Variants in PREX1 observed in about 807,000 individuals in gnomAD.
The protein encoded by PREX1 is phosphatidylinositol 3,4,5-trisphosphate-dependent Rac exchanger 1 protein.
In PREX1, 41 loss-of-function variants were observed where a neutral mutation model predicts 198.3. That is an observed-to-expected ratio of 0.21 (90% CI 0.16 to 0.27). The LOEUF is 0.27. PREX1 is among the 10% of genes least tolerant of loss of function. The pLI is 1.00. For synonymous variants in PREX1, 843 were observed against 887.2 expected (o/e 0.95, Z 0.89); for missense variants, 1,620 against 2,200.7 (o/e 0.74, Z 5.28).
chr20:48,653,009 G>A (rs187350725), intron 20 of PREX1, among the ~76,000 whole-genome samples: 1 of 152,276 alleles, frequency 6.6e-6, no homozygotes, highest in African/African-American at 2.4e-5. Context: ...ATCAATGAGG[G>A]AATCTCGCCC....
At chr20:48,657,698 A>C (rs1022502779) in intron 17 of PREX1, among the ~76,000 whole-genome samples, 1 of 151,884 alleles carries the variant, frequency 6.6e-6, no homozygotes, top group East Asian at 1.9e-4. Context: ...CATCTCCCCC[A>C]CCCACCTGCA....
the PREX1 span, among the ~76,000 whole-genome samples, chr20:48,853,207 C>T: frequency 1.3e-5 from 2 of 152,308 alleles, no homozygotes; most frequent in East Asian, 3.9e-4. Context: ...TTCTAATGCT[C>T]AGACATGAAT....
At chr20:48,820,049 C>A (rs1192267594) in intron 1 of PREX1, among the ~76,000 whole-genome samples, 1 of 152,200 alleles carries the variant, frequency 6.6e-6, no homozygotes, top group African/African-American at 2.4e-5. Flanking sequence ...AATAGTCTCG[C>A]CTCCCCTGGC....
intron 6 of PREX1, among the ~76,000 whole-genome samples, chr20:48,701,269 T>C (rs1236666587): frequency 2.6e-5 from 4 of 152,162 alleles, no homozygotes; most frequent in Admixed American, 1.3e-4. Flanking sequence ...TGGAGTGCAA[T>C]GGCGCGATCT....
chr20:48,742,808 G>T (rs1040370966), intron 3 of PREX1, among the ~76,000 whole-genome samples: 8 of 152,252 alleles, frequency 5.3e-5, no homozygotes, highest in Admixed American at 2.0e-4. Context: ...GCCCCGCTGT[G>T]TCCTCAGGGT....
the PREX1 span, among the ~76,000 whole-genome samples, chr20:48,883,656 A>G: frequency 6.6e-6 from 1 of 152,142 alleles, no homozygotes; most frequent in South Asian, 2.1e-4. Context: ...ATCAAAAAGG[A>G]TAAAATACTT....
intron 1 of PREX1, among the ~76,000 whole-genome samples, chr20:48,794,923 T>C (rs746123369): frequency 6.6e-6 from 1 of 152,220 alleles, no homozygotes; most frequent in Non-Finnish European, 1.5e-5. Context: ...GACTAGCCTA[T>C]GAGTTGATTA....
intron 1 of PREX1, among the ~76,000 whole-genome samples, chr20:48,775,155 A>T (rs2426099): frequency 0.41 from 62,896 of 152,040 alleles, 13,294 homozygotes; most frequent in Admixed American, 0.46. Context: ...TAGCACGTCC[A>T]GAAGGACAGG....
chr20:48,662,530 G>A (rs1255704978), intron 15 of PREX1, among the ~76,000 whole-genome samples: 6 of 152,212 alleles, frequency 3.9e-5, no homozygotes, highest in African/African-American at 1.2e-4. Flanking sequence ...ACATGCTGGG[G>A]TGGCTGTGGG....
intron 1 of PREX1, among the ~76,000 whole-genome samples, chr20:48,807,909 G>A (rs1171074420): frequency 1.3e-5 from 2 of 152,056 alleles, no homozygotes; most frequent in East Asian, 3.9e-4. Flanking sequence ...GGGGGAGCAG[G>A]CTGTCCACTC....
chr20:48,823,438 C>G (rs1406614915), intron 1 of PREX1, among the ~76,000 whole-genome samples: 7 of 152,204 alleles, frequency 4.6e-5, no homozygotes, highest in African/African-American at 1.7e-4. Flanking sequence ...GCAGGTGCTA[C>G]ACTGTGCCCG....
rs41283550 is a variant in PREX1 at position 48,642,336 on chromosome 20, G to C, written c.3684+71C>G. On this transcript the variant is annotated intron_variant, in intron 28 of 39. Transcript: ENST00000371941. ...CAGACATCTGGGACCCACAGCCCCCGGGTCATGGGCCCTCCCCAGGTGTGA... is the reference window on the plus strand; with the variant it reads ...CAGACATCTGGGACCCACAGCCCCCCGGTCATGGGCCCTCCCCAGGTGTGA... 628 of 1,604,012 alleles carry C rather than the reference G, an allele frequency of 3.9e-4. 3 individuals carry two copies. In the African/African-American group the frequency reaches 7.7e-3, roughly 20 times the overall value.
At chr20:48,732,512 C>T (rs1385530605) in intron 4 of PREX1, among the ~76,000 whole-genome samples, 1 of 152,076 alleles carries the variant, frequency 6.6e-6, no homozygotes, top group Non-Finnish European at 1.5e-5. Context: ...GGTGGAGAGA[C>T]GTCTGTGACC....
intron 5 of PREX1, among the ~76,000 whole-genome samples, chr20:48,712,158 T>C (rs1319177336): frequency 6.6e-6 from 1 of 152,238 alleles, no homozygotes; most frequent in African/African-American, 2.4e-5. Context: ...GCTGGCTCTG[T>C]TAAGCTTGGC....
At chr20:48,828,205 C>A (rs2090520723), upstream of PREX1, among the ~76,000 whole-genome samples, 1 of 151,184 alleles carries the variant, frequency 6.6e-6, no homozygotes, top group Non-Finnish European at 1.5e-5. Flanking sequence ...CTCGGCGCCT[C>A]CGTCGGAAGC....
intron 2 of PREX1, 103 bp from the exon 3 acceptor site, chr20:48,745,250 AAAG>A (rs1191316689): frequency 1.5e-6 from 2 of 1,293,338 alleles, no homozygotes; most frequent in Non-Finnish European, 2.1e-6. Flanking sequence ...CATTGTAGTC[AAAG>A]AAGAACTCTC....
chr20:48,869,722 T>C, the PREX1 span, among the ~76,000 whole-genome samples: 1 of 152,184 alleles, frequency 6.6e-6, no homozygotes, highest in Non-Finnish European at 1.5e-5. Context: ...GAAGCTATCA[T>C]CCTCAGCAAA....
At chr20:48,787,828 T>A (rs2122953018) in intron 1 of PREX1, among the ~76,000 whole-genome samples, 1 of 152,220 alleles carries the variant, frequency 6.6e-6, no homozygotes, top group South Asian at 2.1e-4. Flanking sequence ...TCAAAACACT[T>A]TTTTTCCCCA....
chr20:48,703,789 A>G (rs2089887913), intron 6 of PREX1, among the ~76,000 whole-genome samples: 2 of 152,226 alleles, frequency 1.3e-5, no homozygotes, highest in Admixed American at 1.3e-4. Context: ...GGCAAACTGC[A>G]GCTGAAATGC....
Sources: allele counts gnomAD v4.1 joint callset (sites outside exome capture counted in the v4.1 genomes callset), GRCh38; gene constraint gnomAD v4.1.1; transcripts MANE v1.5; gene names NCBI Gene and HGNC (gene_info 2026-07-23, HGNC 2026-07-21).